Variants in SEC31A observed in about 807,000 individuals in gnomAD.
SEC31A encodes the protein SEC31 homolog A, COPII component.
SEC31A carries 70 observed loss-of-function variants against 151.0 expected under a neutral mutation model. The ratio of observed to expected loss-of-function variants is 0.46; its 90% CI spans 0.38 to 0.57. The LOEUF is 0.57. Ranked by LOEUF, SEC31A falls within the 20% of genes least tolerant of loss-of-function variation. SEC31A has a pLI of 0.00. For missense variants in SEC31A, 1,330 were observed against 1,471.2 expected (o/e 0.90, Z 1.57); for synonymous variants, 475 against 505.9 (o/e 0.94, Z 0.82).
At chr4:82,865,161 A>G (rs1455539813) in intron 10 of SEC31A, among the ~76,000 whole-genome samples, 1 of 152,206 alleles carries the variant, frequency 6.6e-6, no homozygotes, top group African/African-American at 2.4e-5. Flanking sequence ...GGGGGAAAAG[A>G]CAAGCAACAA....
At chr4:82,850,813 T>C (rs1003538469) in intron 19 of SEC31A, among the ~76,000 whole-genome samples, 6 of 152,204 alleles carry the variant, frequency 3.9e-5, no homozygotes, top group African/African-American at 1.4e-4. Flanking sequence ...TTTGGAGGCT[T>C]CCTAGAGGAA....
At chr4:82,895,894 T>G (rs1423937204), upstream of SEC31A, 2 of 152,254 alleles carry the variant, frequency 1.3e-5, no homozygotes, top group Non-Finnish European at 2.9e-5. Context: ...AATCATGATG[T>G]GAACAGCAGT....
At chr4:82,862,621 G>A in intron 12 of SEC31A, 49 bp from the exon 13 acceptor site, 9 of 1,526,140 alleles carry the variant, frequency 5.9e-6, no homozygotes, top group Non-Finnish European at 8.2e-6. Flanking sequence ...CTATTTCAGA[G>A]CATCCAGCAA....
At chr4:82,859,098 GTTT>G (rs1014789441) in intron 14 of SEC31A, among the ~76,000 whole-genome samples, 1 of 151,474 alleles carries the variant, frequency 6.6e-6, no homozygotes, top group African/African-American at 2.4e-5. Flanking sequence ...ATTATAAAGT[GTTT>G]TTGTTTTTAA....
At position 82,853,734 on chromosome 4, in the gene SEC31A, T is replaced by C; in HGVS notation, c.2009-19A>G. Reference sequence around the variant, plus strand: ...AAAAGATCTGTAAGTAAGAGGAAAATAAAATAAGATTATACCCAAGGCAAT... The same window carrying C: ...AAAAGATCTGTAAGTAAGAGGAAAACAAAATAAGATTATACCCAAGGCAAT... On this transcript the variant is annotated intron_variant, in intron 17 of 26. Transcript: ENST00000395310. 6.3e-7 allele frequency: 1 copy of C among 1,591,130 alleles called. No homozygotes were observed.
intron 22 of SEC31A, among the ~76,000 whole-genome samples, chr4:82,835,867 G>C (rs949733623): frequency 2.0e-5 from 3 of 152,098 alleles, no homozygotes; most frequent in Admixed American, 6.6e-5. Context: ...AAAAATGCAT[G>C]CACACAATGA....
intron 22 of SEC31A, among the ~76,000 whole-genome samples, chr4:82,832,991 G>T (rs367899856): frequency 1.3e-5 from 2 of 150,872 alleles, no homozygotes; most frequent in African/African-American, 4.9e-5. Flanking sequence ...GTGGAAGACA[G>T]TGTGGCGATT....
At chr4:82,840,636 T>C (rs759723551) in intron 22 of SEC31A, among the ~76,000 whole-genome samples, 2 of 152,122 alleles carry the variant, frequency 1.3e-5, no homozygotes, top group African/African-American at 2.4e-5. Flanking sequence ...CATCACAGAG[T>C]GCACTTACAC....
At chr4:82,873,565 T>C (rs1283804083) in intron 6 of SEC31A, among the ~76,000 whole-genome samples, 2 of 152,224 alleles carry the variant, frequency 1.3e-5, no homozygotes, top group African/African-American at 4.8e-5. Flanking sequence ...AAAATGCTTC[T>C]GGTATGGTTT....
chr4:82,897,465 T>C (rs1431752927), intron 3 of SEC31A, among the ~76,000 whole-genome samples: 2 of 152,208 alleles, frequency 1.3e-5, no homozygotes, highest in Non-Finnish European at 2.9e-5. Flanking sequence ...CCTGCTTTCA[T>C]AGAGTTATTA....
rs144024812 is a variant in SEC31A at position 82,857,683 on chromosome 4, A to T, written c.1702+6T>A. ...AAATTAGAAATCAAAACCAACAAGT[A>T]CTTACCCCCACTGACAGAGATATTA... On this transcript the variant is annotated splice_donor_region_variant and intron_variant, in intron 15 of 26. Transcript: ENST00000395310. 9.8e-6 allele frequency: 15 copies of T among 1,537,078 alleles called. No homozygotes were observed. In the East Asian group the frequency reaches 3.4e-4, roughly 35 times the overall value.
intron 21 of SEC31A, among the ~76,000 whole-genome samples, chr4:82,843,511 A>G (rs1343832708): frequency 6.6e-6 from 1 of 152,214 alleles, no homozygotes; most frequent in Non-Finnish European, 1.5e-5. Flanking sequence ...ACCTCGATAG[A>G]GTGAATCTAG....
chr4:82,887,707 A>C (rs1560674678), intron 1 of SEC31A, among the ~76,000 whole-genome samples: 1 of 152,252 alleles, frequency 6.6e-6, no homozygotes, highest in Non-Finnish European at 1.5e-5. Context: ...AATGCTCATA[A>C]ATGACAGTTA....
intron 6 of SEC31A, among the ~76,000 whole-genome samples, chr4:82,873,393 C>T (rs1737192447): frequency 8.5e-6 from 1 of 117,608 alleles, no homozygotes; most frequent in East Asian, 2.1e-4. Flanking sequence ...AACACACACA[C>T]AAGACACAAA....
chr4:82,868,532 T>A (rs201209352), intron 8 of SEC31A, among the ~76,000 whole-genome samples: 191 of 146,868 alleles, frequency 1.3e-3, no homozygotes, highest in African/African-American at 4.0e-3. Flanking sequence ...AAAAAATAAA[T>A]AAATAAATAG....
chr4:82,866,785 C>G (rs748371498), intron 10 of SEC31A, 23 bp downstream of exon 10: 2 of 1,593,576 alleles, frequency 1.3e-6, no homozygotes, highest in South Asian at 2.3e-5. Flanking sequence ...TGCCTATGGA[C>G]CATAAAAACA....
chr4:82,853,583 G>A lies in SEC31A; in HGVS notation c.2141C>T (p.Pro714Leu). The A allele has an allele frequency of 6.3e-7, 1 of 1,580,104 alleles. No individual in the cohort carries two copies. Among genetic ancestry groups the A allele is most frequent in the Non-Finnish European group, 8.5e-7 (1 of 1,170,860 alleles). Reference protein sequence around the residue: ...CWTKAQDGSHPLSLQDLIEKV... With the variant: ...CWTKAQDGSHLLSLQDLIEKV... ...CAAAGATACTACCTGAAGTGACAAA[G>A]GGTGGCTTCCATCTTGAGCTTTAGT... Residue 714 changes from proline (P) to leucine (L), a missense_variant, in exon 18 of 27, where the codon CCT (proline) becomes CTT (leucine). By Grantham distance (98) the Pro-to-Leu change is moderately conservative. Transcript: ENST00000395310.
At chr4:82,868,397 A>G (rs1473971618) in intron 8 of SEC31A, among the ~76,000 whole-genome samples, 1 of 152,040 alleles carries the variant, frequency 6.6e-6, no homozygotes, top group East Asian at 1.9e-4. Context: ...GTTAGCTGGG[A>G]GGCTGAGGTG....
intron 10 of SEC31A, among the ~76,000 whole-genome samples, chr4:82,866,036 G>A (rs1735293761): frequency 1.3e-5 from 2 of 150,308 alleles, no homozygotes; most frequent in Non-Finnish European, 3.0e-5. Flanking sequence ...AAAGCTAAAA[G>A]GATGAAGAAG....
Sources: gnomAD v4.1 joint callset for allele counts (sites outside exome capture counted in the v4.1 genomes callset) on GRCh38, gnomAD v4.1.1 for gene constraint, MANE v1.5 for transcripts, NCBI Gene and HGNC (gene_info 2026-07-23, HGNC 2026-07-21) for gene names.